PLPP4: variants seen among roughly 807,000 people sequenced by gnomAD.
PLPP4 encodes the protein phospholipid phosphatase 4.
Under a neutral mutation model 32.2 loss-of-function variants are expected in PLPP4, and 20 were observed. The ratio of observed to expected loss-of-function variants is 0.62; its 90% confidence interval spans 0.44 to 0.90. The LOEUF is 0.90. PLPP4 is among the 40% of genes least tolerant of loss of function. The pLI, the probability that PLPP4 is intolerant of heterozygous loss-of-function variation, is 0.00. For missense variants in PLPP4, 257 were observed against 353.1 expected (o/e 0.73, Z 2.18); for synonymous variants, 127 against 133.0 (o/e 0.95, Z 0.31).
At chr10:120,584,560 T>C (rs1849665635) in intron 6 of PLPP4, among the ~76,000 whole-genome samples, 1 of 152,236 alleles carries the variant, frequency 6.6e-6, no homozygotes, top group Admixed American at 6.5e-5. Context: ...GATCCATTTA[T>C]TTCCCTTTTG....
chr10:120,497,608 A>AT (rs1000499295), intron 1 of PLPP4, among the ~76,000 whole-genome samples: 7 of 151,668 alleles, frequency 4.6e-5, no homozygotes, highest in African/African-American at 7.3e-5. Flanking sequence ...TTCTTCATGA[A>AT]TTTTTTTTTC....
intron 5 of PLPP4, among the ~76,000 whole-genome samples, chr10:120,528,505 A>G (rs183808192): frequency 9.9e-4 from 151 of 152,342 alleles, no homozygotes; most frequent in African/African-American, 3.5e-3. Flanking sequence ...TAACTTACAA[A>G]TGAAAGCTCC....
chr10:120,537,989 CCTTTCTCT>C (rs1564824914), intron 5 of PLPP4, among the ~76,000 whole-genome samples: 1 of 75,622 alleles, frequency 1.3e-5, no homozygotes, highest in East Asian at 3.9e-4. Flanking sequence ...ACCACCAGGC[CCTTTCTCT>C]CTCTCTCTCT....
At chr10:120,524,983 A>G (rs1277353721) in intron 5 of PLPP4, among the ~76,000 whole-genome samples, 1 of 152,248 alleles carries the variant, frequency 6.6e-6, no homozygotes, top group East Asian at 1.9e-4. Flanking sequence ...AGGTATTAAG[A>G]AACTTCTTTC....
At chr10:120,588,935 A>G (rs1023409173) in intron 6 of PLPP4, among the ~76,000 whole-genome samples, 1 of 152,190 alleles carries the variant, frequency 6.6e-6, no homozygotes, top group Non-Finnish European at 1.5e-5. Context: ...AATCCCAGCT[A>G]CTTGGGAGGC....
chr10:120,484,109 T>C (rs1844335783), intron 1 of PLPP4, among the ~76,000 whole-genome samples: 2 of 152,228 alleles, frequency 1.3e-5, no homozygotes, highest in Non-Finnish European at 2.9e-5. Flanking sequence ...AAATGTGATG[T>C]GCTAGTAAGT....
At chr10:120,471,742 C>T (rs986962986) in intron 1 of PLPP4, among the ~76,000 whole-genome samples, 2 of 152,006 alleles carry the variant, frequency 1.3e-5, no homozygotes, top group Non-Finnish European at 2.9e-5. Context: ...ACAGTTAATA[C>T]AATTATTAAT....
intron 5 of PLPP4, among the ~76,000 whole-genome samples, chr10:120,561,777 T>C (rs1021580868): frequency 1.3e-5 from 2 of 152,190 alleles, no homozygotes; most frequent in Non-Finnish European, 1.5e-5. Context: ...ACTTGTCAAC[T>C]TGTAATGCTT....
At chr10:120,513,819 G>A (rs1845826132) in intron 2 of PLPP4, 92 bp from the exon 3 acceptor site, 1 of 950,486 alleles carries the variant, frequency 1.1e-6, no homozygotes, top group Non-Finnish European at 1.7e-6. Context: ...CAACCAGGGA[G>A]TCTAAATGAA....
At chr10:120,501,434 A>G (rs1469311464) in intron 1 of PLPP4, among the ~76,000 whole-genome samples, 5 of 152,204 alleles carry the variant, frequency 3.3e-5, no homozygotes, top group African/African-American at 1.2e-4. Flanking sequence ...ATACAATTCT[A>G]ATTTTTGTTT....
At chr10:120,496,037 A>C (rs1331578998) in intron 1 of PLPP4, among the ~76,000 whole-genome samples, 1 of 152,186 alleles carries the variant, frequency 6.6e-6, no homozygotes, top group Non-Finnish European at 1.5e-5. Flanking sequence ...GATTTGGACT[A>C]AGTCTAATGA....
At chr10:120,475,161 C>G (rs1777052639) in intron 1 of PLPP4, among the ~76,000 whole-genome samples, 1 of 152,026 alleles carries the variant, frequency 6.6e-6, no homozygotes, top group Non-Finnish European at 1.5e-5. Context: ...CCAGATGGCC[C>G]CCAGCATGAA....
At chr10:120,460,963 G>A (rs1355694002) in intron 1 of PLPP4, among the ~76,000 whole-genome samples, 1 of 152,198 alleles carries the variant, frequency 6.6e-6, no homozygotes, top group African/African-American at 2.4e-5. Flanking sequence ...GTCAGCCTCT[G>A]AGACAGAAGA....
intron 1 of PLPP4, among the ~76,000 whole-genome samples, chr10:120,484,669 A>G (rs1564788048): frequency 6.6e-6 from 1 of 152,128 alleles, no homozygotes; most frequent in East Asian, 1.9e-4. Context: ...ACCTCTTAAT[A>G]CTGTTGCATT....
chr10:120,561,041 G>A (rs924281880), intron 5 of PLPP4, among the ~76,000 whole-genome samples: 1 of 152,112 alleles, frequency 6.6e-6, no homozygotes, highest in Non-Finnish European at 1.5e-5. Context: ...TTTCATTTGA[G>A]TAGATTTCCT....
At chr10:120,503,214 G>A (rs1183105717) in intron 1 of PLPP4, among the ~76,000 whole-genome samples, 1 of 152,152 alleles carries the variant, frequency 6.6e-6, no homozygotes, top group African/African-American at 2.4e-5. Flanking sequence ...CAAATGACTT[G>A]GCTTCTTTTG....
chr10:120,581,406 C>A, intron 6 of PLPP4: 3 of 636,744 alleles, frequency 4.7e-6, no homozygotes, highest in Non-Finnish European at 5.9e-6. Flanking sequence ...CCTTCTTTGG[C>A]CCTCAACTGC....
intron 6 of PLPP4, among the ~76,000 whole-genome samples, chr10:120,577,006 C>T (rs1849253177): frequency 6.6e-6 from 1 of 152,210 alleles, no homozygotes; most frequent in Non-Finnish European, 1.5e-5. Context: ...TCTTTGAGCA[C>T]AGGAACTATC....
chr10:120,564,103 C>T (rs1848574722), intron 5 of PLPP4, among the ~76,000 whole-genome samples: 1 of 151,956 alleles, frequency 6.6e-6, no homozygotes, highest in Non-Finnish European at 1.5e-5. Flanking sequence ...CTAACAAAAA[C>T]AATTTAGCTA....
Sources: allele counts gnomAD v4.1 joint callset (sites outside exome capture counted in the v4.1 genomes callset), GRCh38; gene constraint gnomAD v4.1.1; transcripts MANE v1.5; gene names NCBI Gene and HGNC (gene_info 2026-07-23, HGNC 2026-07-21).